NDUFS1: variants seen among roughly 807,000 people sequenced by gnomAD.
The protein encoded by NDUFS1 is NADH-ubiquinone oxidoreductase 75 kDa subunit, mitochondrial.
In NDUFS1, 61 loss-of-function variants were observed where a neutral mutation model predicts 84.4. The ratio of observed to expected loss-of-function variants is 0.72; its 90% CI spans 0.59 to 0.89. The LOEUF is 0.89. Among genes scored for constraint, NDUFS1 ranks in the 40% least tolerant of loss-of-function variants. The pLI is 0.00. For synonymous variants in NDUFS1, 275 were observed against 290.0 expected, an observed-to-expected ratio of 0.95 and a Z score of 0.53; for missense variants, 891 against 890.0, an observed-to-expected ratio of 1.00 and a Z score of -0.01.
At chr2:206,137,835 A>T (rs6435326) in intron 13 of NDUFS1, among the ~76,000 whole-genome samples, 81,310 of 152,106 alleles carry the variant, frequency 0.53, 22,379 homozygotes, top group African/African-American at 0.65. Context: ...GTAATAAAGA[A>T]AGATTTAAAT....
intron 18 of NDUFS1, among the ~76,000 whole-genome samples, chr2:206,125,690 G>A (rs1691267221): frequency 6.6e-6 from 1 of 151,084 alleles, no homozygotes; most frequent in African/African-American, 2.4e-5. Flanking sequence ...AGGGGTACAT[G>A]TGAAGGCTTT....
chr2:206,126,114 A>G (rs1228387472), intron 18 of NDUFS1, among the ~76,000 whole-genome samples: 2 of 152,218 alleles, frequency 1.3e-5, no homozygotes, highest in African/African-American at 4.8e-5. Flanking sequence ...GCAATAAACA[A>G]GTTTCAGTTT....
chr2:206,146,267 T>C lies in NDUFS1; in HGVS notation c.737+636A>G, dbSNP rs77018574. ...AACCAAAGAAAATCATATTTAAAAA[T>C]TGAAGGGGATGTATGACAACCACGA... On this transcript the variant is annotated intron_variant, in intron 8 of 18. Transcript: ENST00000233190. Among the ~76,000 whole-genome samples the C allele has an allele frequency of 7.3e-3, 1,110 of 152,252 alleles. 8 individuals carry two copies. Among genetic ancestry groups the C allele is most frequent in the African/African-American group, 0.026 (1,074 of 41,538 alleles).
At chr2:206,153,501 C>G in intron 2 of NDUFS1, 117 bp downstream of exon 2, 3 of 666,146 alleles carry the variant, frequency 4.5e-6, no homozygotes, top group Non-Finnish European at 5.3e-6. Flanking sequence ...CGGCCGGTTT[C>G]TATTTTTATT....
intron 5 of NDUFS1, among the ~76,000 whole-genome samples, chr2:206,148,435 A>G (rs188203500): frequency 6.6e-6 from 1 of 152,046 alleles, no homozygotes; most frequent in East Asian, 1.9e-4. Flanking sequence ...TTAAACACAC[A>G]ATCTGGAAAA....
rs1251766684 is a variant in NDUFS1, at chr2:206,145,136, T to G, written c.738-110A>C. On this transcript the variant is annotated intron_variant, in intron 8 of 18. Coordinates refer to ENST00000233190, the MANE Select transcript of NDUFS1 (RefSeq NM_005006.7). ...ACAATTAATTCCCTTTCTGAATTAC[T>G]TTAAAAAATGAAGCTTAGAGGAACT... 2.7e-6 allele frequency: 3 copies of G among 1,107,296 alleles called. No homozygotes were observed. In the East Asian group the frequency reaches 7.3e-5, roughly 27 times the overall value. The allele number at this position is 1,107,296 out of a possible 1,614,324, so 68.6% of individuals were successfully genotyped here.
At position 206,153,659 on chromosome 2, in the gene NDUFS1, C is replaced by A; in HGVS notation, c.20G>T (p.Arg7Ile). 2.0e-6 allele frequency: 3 copies of A among 1,537,720 alleles called. No homozygotes were observed. Among genetic ancestry groups the A allele is most frequent in the Non-Finnish European group, 2.7e-6 (3 of 1,115,260 alleles). ...CTTAGAAAGGCCTACTAAGGCCTTT[C>A]TTACAGGTATCCTTAACATATTGCT... MLRIPV[R>I]KALVGLSKSP... Residue 7 changes from arginine (R) to isoleucine (I), a missense_variant, in exon 2 of 19, where the codon AGA becomes ATA. Transcript: ENST00000233190.
chr2:206,142,513 G>C (rs1348542033), intron 11 of NDUFS1, among the ~76,000 whole-genome samples, 173 bp downstream of exon 11: 1 of 152,180 alleles, frequency 6.6e-6, no homozygotes, highest in Non-Finnish European at 1.5e-5. Flanking sequence ...CTGTGCCTGA[G>C]ATACTTAGTG....
In NDUFS1 at chr2:206,148,962, C is replaced by T. The variant is rs1692262825; in HGVS notation, c.338+58G>A. 3.0e-6 allele frequency: 4 copies of T among 1,323,738 alleles called. No individual in the cohort carries two copies. In the Admixed American group the frequency reaches 6.8e-5, roughly 22 times the overall value. 82.0% of individuals were successfully genotyped at this position (1,323,738 alleles called of 1,614,324 possible). On this transcript the variant is annotated intron_variant, in intron 5 of 18. Transcript: ENST00000233190. ...TTAATCTATGGGAAGGTCTAAATAC[C>T]AAAATGTGCAATTTTCTGCTTTATG...
chr2:206,152,489 G>A lies in NDUFS1; in HGVS notation c.83C>T (p.Ala28Val), dbSNP rs1395266176. 1.2e-6 allele frequency: 2 copies of A among 1,613,978 alleles called. No individual in the cohort carries two copies. The highest frequency in any genetic ancestry group is 3.3e-5 in the Admixed American group (2 of 59,996). ...AACAAATACTTCAATCAAGTTGCTT[G>A]CTGCTGTGGCAGTTGTTCGAACTGA... ...KGCVRTTATA[A>V]SNLIEVFVDG... Residue 28 changes from alanine to valine, a missense_variant, in exon 3 of 19, where the codon GCA becomes GTA. Ala to Val is a moderately conservative substitution (Grantham distance 64, BLOSUM62 0). Transcript: ENST00000233190.
At chr2:206,150,321 G>A (rs1692325514) in intron 3 of NDUFS1, among the ~76,000 whole-genome samples, 1 of 152,138 alleles carries the variant, frequency 6.6e-6, no homozygotes, top group South Asian at 2.1e-4. Context: ...ACATTATCTA[G>A]CTGGCTATCT....
At position 206,138,548 on chromosome 2, in the gene NDUFS1, G is replaced by T. The variant is rs780397984; in HGVS notation, c.1329C>A (p.Asp443Glu). ...GSPVDLTYTY[D>E]HLGDSPKILQ... Reference sequence around the variant, plus strand: ...GAATTTTGGGGGAGTCTCCCAGGTGGTCATATGTGTAAGTGAGGTCCACTG... The same window carrying T: ...GAATTTTGGGGGAGTCTCCCAGGTGTTCATATGTGTAAGTGAGGTCCACTG... The change falls in exon 13 of 19, where the codon GAC becomes GAA. Residue 443 changes from aspartate to glutamate, a missense_variant. By Grantham distance (45) the Asp-to-Glu change is conservative (BLOSUM62 2). Coordinates refer to ENST00000233190, the MANE Select transcript of NDUFS1 (RefSeq NM_005006.7). The T allele has an allele frequency of 1.2e-6, 2 of 1,613,822 alleles. No homozygotes were observed. The highest frequency in any genetic ancestry group is 1.7e-6 in the Non-Finnish European group (2 of 1,179,756).
At position 206,144,889 on chromosome 2, in the gene NDUFS1, T is replaced by C. The variant is rs1231318315; in HGVS notation, c.872+3A>G. ...AAGTTAAGGAAAACAATATAGCATA[T>C]ACCTGGTTTTATCAGAGATCCACTC... On this transcript the variant is annotated splice_donor_region_variant and intron_variant, in intron 9 of 18. Coordinates refer to ENST00000233190, the MANE Select transcript of NDUFS1 (RefSeq NM_005006.7). The C allele has an allele frequency of 2.5e-6, 4 of 1,613,688 alleles. No homozygotes were observed. Among genetic ancestry groups the C allele is most frequent in the South Asian group, 1.1e-5 (1 of 91,038 alleles).
At chr2:206,128,327 A>G (rs1214632137) in intron 15 of NDUFS1, among the ~76,000 whole-genome samples, 1 of 151,848 alleles carries the variant, frequency 6.6e-6, no homozygotes, top group Non-Finnish European at 1.5e-5. Context: ...CACCACACTC[A>G]GCTAATTTTT....
Position 206,123,468 on chromosome 2 carries a change from G to C in NDUFS1, c.*717C>G, listed in dbSNP as rs1425484275. ...AACAACCTATAGAATCAACATTAATGAGACGAAATAATATGTTGCAGTTAA... is the reference window on the plus strand; with the variant it reads ...AACAACCTATAGAATCAACATTAATCAGACGAAATAATATGTTGCAGTTAA... On this transcript the variant is annotated 3_prime_UTR_variant, in exon 19 of 19. Coordinates refer to ENST00000233190, the MANE Select transcript of NDUFS1 (RefSeq NM_005006.7). 3 of 152,228 alleles carry C rather than the reference G, an allele frequency of 2.0e-5. No individual in the cohort carries two copies. The highest frequency in any genetic ancestry group is 2.1e-4 in the South Asian group (1 of 4,822). 9.4% of individuals were successfully genotyped at this position (152,228 alleles called of 1,614,324 possible). A position where few individuals can be genotyped will look rare whatever the true frequency, so the allele number is the denominator to read the frequency against.
intron 1 of NDUFS1, among the ~76,000 whole-genome samples, chr2:206,157,096 C>T (rs1687686677): frequency 6.6e-6 from 1 of 152,146 alleles, no homozygotes; most frequent in African/African-American, 2.4e-5. Flanking sequence ...GGATTACAGG[C>T]ACCTGTCATC....
chr2:206,148,129 T>G (rs764401200), intron 5 of NDUFS1, among the ~76,000 whole-genome samples: 90 of 152,140 alleles, frequency 5.9e-4, no homozygotes, highest in Non-Finnish European at 1.1e-3. Flanking sequence ...TTCATCATGT[T>G]GGTCAGGCTG....
chr2:206,152,703 CTTTTT>C (rs71034411), intron 2 of NDUFS1, among the ~76,000 whole-genome samples, 193 bp from the exon 3 acceptor site: 3 of 121,276 alleles, frequency 2.5e-5, no homozygotes, highest in Admixed American at 8.8e-5. Flanking sequence ...CTTTCTTCTT[CTTTTT>C]TTTTTTTTTT....
Position 206,144,117 on chromosome 2 carries a change from C to T in NDUFS1, c.888G>A (p.Gly296=). The part of the protein sequence containing the change: ...ISDKTRFAYD[G]LKRQRLTEPM... ...GCTCGGTAAGTCTTTGACGTTTTAG[C>T]CCATCATAGGCAAATCTAGAAAACA... Residue 296 remains glycine, a synonymous_variant, in exon 10 of 19, where the codon GGG becomes GGA. Coordinates refer to ENST00000233190, the MANE Select transcript of NDUFS1 (RefSeq NM_005006.7). 6.2e-7 allele frequency: 1 copy of T among 1,613,570 alleles called. No individual in the cohort carries two copies. The highest frequency in any genetic ancestry group is 8.5e-7 in the Non-Finnish European group (1 of 1,179,556).
Sources: allele counts gnomAD v4.1 joint callset (sites outside exome capture counted in the v4.1 genomes callset), GRCh38; gene constraint gnomAD v4.1.1; transcripts MANE v1.5; gene names NCBI Gene and HGNC (gene_info 2026-07-23, HGNC 2026-07-21).